The following NTN3 variants were observed in gnomAD, a reference collection of about 807,000 sequenced individuals.
NTN3 encodes the protein netrin 3, also known as netrin-3.
A neutral mutation model predicts 37.2 loss-of-function variants in NTN3; 44 were observed. The ratio of observed to expected loss-of-function variants is 1.18; its 90% CI spans 0.93 to 1.52. The LOEUF is 1.52. NTN3 is among the 40% of genes most tolerant of loss of function. The pLI, the probability that NTN3 is intolerant of heterozygous loss-of-function variation, is 0.00. For synonymous variants in NTN3, 385 were observed against 376.0 expected (o/e 1.02, Z -0.28); for missense variants, 882 against 857.3 (o/e 1.03, Z -0.36).
intron 1 of NTN3, 28 bp from the exon 2 acceptor site, chr16:2,472,673 C>G (rs753204272): frequency 6.8e-6 from 11 of 1,606,218 alleles, no homozygotes; most frequent in Non-Finnish European, 8.5e-6. Flanking sequence ...ACACAACCAG[C>G]CTGCCCCTGA....
rs908354739 is a variant in NTN3, at chr16:2,471,586, G to A, written c.-116G>A. On this transcript the variant is annotated 5_prime_UTR_variant, in exon 1 of 6. Coordinates refer to ENST00000293973, the MANE Select transcript of NTN3 (RefSeq NM_006181.3). ...CTCTGGGCCGGGCTGGGGCCGCCCG[G>A]GGGCCCTGTTCCTCGGCATTGCGGG... is the stretch of plus-strand genomic sequence containing the variant. 7.8e-6 allele frequency: 6 copies of A among 764,730 alleles called. No homozygotes were observed. Among genetic ancestry groups the A allele is most frequent in the Admixed American group, 4.4e-5 (1 of 22,938 alleles). 47.4% of individuals were successfully genotyped at this position (764,730 alleles called of 1,614,324 possible).
rs769001644 is a variant in NTN3, at chr16:2,472,162, G to A, written c.461G>A (p.Cys154Tyr). 8 of 1,608,486 alleles carry A rather than the reference G, an allele frequency of 5.0e-6. No individual in the cohort carries two copies. The Middle Eastern group carries it at 5.0e-4, about 100-fold the overall frequency. The change falls in exon 1 of 6, where the codon TGT (cysteine) becomes TAT (tyrosine). Residue 154 changes from cysteine (C) to tyrosine (Y), a missense_variant. Coordinates refer to ENST00000293973, the MANE Select transcript of NTN3 (RefSeq NM_006181.3). ...CCGCTGGGCTTCTTCTCCTCCCACT[G>A]TGACCTGGACTATGGCCGTCTGCCT... ...WAPLGFFSSH[C>Y]DLDYGRLPAP... is the part of the protein sequence containing the mutation.
chr16:2,474,082 C>G lies in NTN3; in HGVS notation c.1720C>G (p.Arg574Gly). 2.5e-6 allele frequency: 3 copies of G among 1,207,362 alleles called. No homozygotes were observed. Among genetic ancestry groups the G allele is most frequent in the Non-Finnish European group, 3.1e-6 (3 of 971,846 alleles). The allele number at this position is 1,207,362 out of a possible 1,614,324, so 74.8% of individuals were successfully genotyped here. The change falls in exon 6 of 6, where the codon CGG becomes GGG. Residue 574 changes from arginine (R) to glycine (G), a missense_variant. Arg to Gly is a moderately radical substitution (Grantham distance 125, BLOSUM62 -2). Coordinates refer to ENST00000293973, the MANE Select transcript of NTN3 (RefSeq NM_006181.3). ...RLRRLQRRER[R>G]GRCSAA ...GCGGAGGCTGCAGCGACGCGAACGG[C>G]GGGGGCGCTGCAGCGCCGCCTGAGC...
chr16:2,472,952 T>C (rs1262943774), intron 2 of NTN3, 33 bp from the exon 3 acceptor site: 2 of 1,583,236 alleles, frequency 1.3e-6, no homozygotes, highest in East Asian at 4.5e-5. Context: ...CCAGACAGGC[T>C]TCTGACCAGG....
In NTN3 at chr16:2,472,600, C is replaced by G; in HGVS notation, c.899C>G (p.Ala300Gly). 6.3e-7 allele frequency: 1 copy of G among 1,595,610 alleles called. No individual in the cohort carries two copies. Among genetic ancestry groups the G allele is most frequent in the South Asian group, 1.1e-5 (1 of 90,442 alleles). The change falls in exon 1 of 6, where the codon GCC becomes GGC. Residue 300 changes from alanine (A) to glycine (G), a missense_variant. Physicochemically the swap from Ala to Gly is moderately conservative, Grantham distance 60. Coordinates refer to ENST00000293973, the MANE Select transcript of NTN3 (RefSeq NM_006181.3). ...TACTGCGACAGGCCATGGCAGCGGG[C>G]CACTGCCCGGGAATCCCACGCCTGC... Reference protein sequence around the residue: ...PFYCDRPWQRATARESHACLA... With the variant: ...PFYCDRPWQRGTARESHACLA...
Position 2,472,328 on chromosome 16 carries a change from A to G in NTN3, c.627A>G (p.Pro209=). ...SPPGLDLDSS[P]VLQDWVTATD... ...CAGGCCTGGACCTGGACAGCAGCCC[A>G]GTGCTCCAAGACTGGGTGACCGCCA... Residue 209 remains proline (P), a synonymous_variant, in exon 1 of 6, where the codon CCA becomes CCG. Coordinates refer to ENST00000293973, the MANE Select transcript of NTN3 (RefSeq NM_006181.3). The G allele has an allele frequency of 6.2e-7, 1 of 1,610,620 alleles. No homozygotes were observed. Among genetic ancestry groups the G allele is most frequent in the Non-Finnish European group, 8.5e-7 (1 of 1,178,444 alleles).
In NTN3 at chr16:2,472,228, T is replaced by C; in HGVS notation, c.527T>C (p.Leu176Pro). ...CCAGCTGGCCCAGGGCCTGAGGCCC[T>C]GTGCTTCCCCGCACCCCTGGCCCAG... ...NGPAGPGPEA[L>P]CFPAPLAQPD... The change falls in exon 1 of 6, where the codon CTG becomes CCG. Residue 176 changes from leucine to proline, a missense_variant. Leu to Pro is a moderately conservative substitution (Grantham distance 98, BLOSUM62 -3). Transcript: ENST00000293973. 1 of 1,610,494 alleles carries C rather than the reference T, an allele frequency of 6.2e-7. No individual in the cohort carries two copies. The highest frequency in any genetic ancestry group is 8.5e-7 in the Non-Finnish European group (1 of 1,179,698).
chr16:2,472,232 C>A lies in NTN3; in HGVS notation c.531C>A (p.Cys177Ter). ...CTGGCCCAGGGCCTGAGGCCCTGTG[C>A]TTCCCCGCACCCCTGGCCCAGCCTG... ...GPAGPGPEAL[C>*]FPAPLAQPDG... Residue 177 changes from cysteine (C) to a stop codon, truncating the protein, a stop_gained, in exon 1 of 6, where the codon TGC (cysteine) becomes TGA (stop). Transcript: ENST00000293973. LOFTEE classifies it high-confidence loss of function. The A allele has an allele frequency of 6.2e-7, 1 of 1,610,422 alleles. No homozygotes were observed. Among genetic ancestry groups the A allele is most frequent in the Non-Finnish European group, 8.5e-7 (1 of 1,179,616 alleles).
chr16:2,473,240 G>T (rs765535839), intron 3 of NTN3, 28 bp from the exon 4 acceptor site: 3 of 1,610,570 alleles, frequency 1.9e-6, no homozygotes, highest in African/African-American at 2.7e-5. Flanking sequence ...CCCCTCCATC[G>T]CAGGCCATTC....
rs1423604586 is a variant in NTN3, at chr16:2,473,743, G to T, written c.1394-13G>T. 24 of 1,420,254 alleles carry T rather than the reference G, an allele frequency of 1.7e-5. No homozygotes were observed. Among genetic ancestry groups the T allele is most frequent in the Non-Finnish European group, 2.2e-5 (24 of 1,095,084 alleles). The allele number at this position is 1,420,254 out of a possible 1,614,324, so 88.0% of individuals were successfully genotyped here. A position where few individuals can be genotyped will look rare whatever the true frequency, so the allele number is the denominator to read the frequency against. On this transcript the variant is annotated splice_polypyrimidine_tract_variant and intron_variant, in intron 5 of 5. Coordinates refer to ENST00000293973, the MANE Select transcript of NTN3 (RefSeq NM_006181.3). ...CCCCTTCCTGACCCCGCCCCCTCTCGCTCTCCCCGCAGCGGTGCAGGTGGC... is the reference window on the plus strand; with the variant it reads ...CCCCTTCCTGACCCCGCCCCCTCTCTCTCTCCCCGCAGCGGTGCAGGTGGC...
Position 2,472,583 on chromosome 16 carries a change from C to A in NTN3, c.882C>A (p.Asp294Glu). Residue 294 changes from aspartate (D) to glutamate (E), a missense_variant, in exon 1 of 6, where the codon GAC (aspartate) becomes GAA (glutamate). Asp to Glu is a conservative substitution (Grantham distance 45, BLOSUM62 2). Transcript: ENST00000293973. ...GCCGCTGCAAGCCCTTCTACTGCGA[C>A]AGGCCATGGCAGCGGGCCACTGCCC... ...DCGRCKPFYCDRPWQRATARE... is the reference protein window; with the variant it reads ...DCGRCKPFYCERPWQRATARE... 6.3e-7 allele frequency: 1 copy of A among 1,597,030 alleles called. No individual in the cohort carries two copies. The highest frequency in any genetic ancestry group is 1.1e-5 in the South Asian group (1 of 90,570).
At position 2,472,059 on chromosome 16, in the gene NTN3, G is replaced by C. The variant is rs745951324; in HGVS notation, c.358G>C (p.Val120Leu). ...PLGKAFELVFVSLRFCSAPPA... is the reference protein window; with the variant it reads ...PLGKAFELVFLSLRFCSAPPA... ...GGGCAAGGCTTTTGAGCTGGTCTTC[G>C]TGAGCCTGCGCTTCTGCTCAGCTCC... is the stretch of plus-strand genomic sequence containing the variant. The change falls in exon 1 of 6, where the codon GTG (valine) becomes CTG (leucine). Residue 120 changes from valine (V) to leucine (L), a missense_variant. Val to Leu is a conservative substitution (Grantham distance 32). Transcript: ENST00000293973. 1.2e-5 allele frequency: 19 copies of C among 1,608,560 alleles called. No homozygotes were observed. Among genetic ancestry groups the C allele is most frequent in the Non-Finnish European group, 1.5e-5 (18 of 1,178,872 alleles).
At position 2,474,118 on chromosome 16, in the gene NTN3, G is replaced by T; in HGVS notation, c.*13G>T. On this transcript the variant is annotated 3_prime_UTR_variant, in exon 6 of 6. Transcript: ENST00000293973. ...CAGCGCCGCCTGAGCCCGCCGGCTG[G>T]GCAGGGCGGCCGCTGCTCCCACATC... The T allele has an allele frequency of 8.3e-7, 1 of 1,205,486 alleles. No homozygotes were observed. The highest frequency in any genetic ancestry group is 4.1e-5 in the South Asian group (1 of 24,150). The allele number at this position is 1,205,486 out of a possible 1,614,324, so 74.7% of individuals were successfully genotyped here.
At position 2,473,468 on chromosome 16, in the gene NTN3, G is replaced by A; in HGVS notation, c.1358G>A (p.Arg453His). Residue 453 changes from arginine to histidine, a missense_variant, in exon 5 of 6, where the codon CGC becomes CAC. Physicochemically the swap from Arg to His is conservative, Grantham distance 29. Coordinates refer to ENST00000293973, the MANE Select transcript of NTN3 (RefSeq NM_006181.3). ...SHCKPARGSY[R>H]ISLKKFCKKD... ...TGCAAACCTGCCCGTGGCAGCTACC[G>A]CATCAGCCTAAAGAAGTTCTGCAAG... 1 of 1,612,954 alleles carries A rather than the reference G, an allele frequency of 6.2e-7. No individual in the cohort carries two copies. The highest frequency in any genetic ancestry group is 1.1e-5 in the South Asian group (1 of 91,084).
At position 2,471,713 on chromosome 16, in the gene NTN3, G is replaced by A. The variant is rs1221270323; in HGVS notation, c.12G>A (p.Trp4Ter). 7.3e-7 allele frequency: 1 copy of A among 1,363,258 alleles called. No individual in the cohort carries two copies. The highest frequency in any genetic ancestry group is 3.1e-5 in the East Asian group (1 of 32,332). 84.4% of individuals were successfully genotyped at this position (1,363,258 alleles called of 1,614,324 possible). ...CAGCGGCTCCGGCCATGCCTGGCTG[G>A]CCCTGGGGGCTGCTGCTGACGGCAG... The part of the protein sequence containing the change: MPG[W>*]PWGLLLTAGT... Residue 4 changes from tryptophan to a stop codon, truncating the protein, a stop_gained, in exon 1 of 6, where the codon TGG (tryptophan) becomes TGA (stop). Transcript: ENST00000293973. LOFTEE classifies it high-confidence loss of function.
Position 2,473,972 on chromosome 16 carries a change from G to A in NTN3, c.1610G>A (p.Gly537Glu). The change falls in exon 6 of 6, where the codon GGG becomes GAG. Residue 537 changes from glycine (G) to glutamate (E), a missense_variant. Physicochemically the swap from Gly to Glu is moderately conservative, Grantham distance 98. Transcript: ENST00000293973. The stretch of plus-strand genomic sequence containing the variant: ...GGGGGCGGGCCTGGAGCCGCGGCTG[G>A]GGGCGCGGGGGGCCGGGGGCCCGGG... Reference protein sequence around the residue: ...LLGGGPGAAAGGAGGRGPGLI... With the variant: ...LLGGGPGAAAEGAGGRGPGLI... 1.7e-6 allele frequency: 2 copies of A among 1,163,528 alleles called. No homozygotes were observed. The highest frequency in any genetic ancestry group is 2.1e-6 in the Non-Finnish European group (2 of 944,606). 72.1% of individuals were successfully genotyped at this position (1,163,528 alleles called of 1,614,324 possible). A position where few individuals can be genotyped will look rare whatever the true frequency, so the allele number is the denominator to read the frequency against.
At position 2,472,423 on chromosome 16, in the gene NTN3, C is replaced by T. The variant is rs369917788; in HGVS notation, c.722C>T (p.Pro241Leu). 1 of 1,612,658 alleles carries T rather than the reference C, an allele frequency of 6.2e-7. No individual in the cohort carries two copies. The highest frequency in any genetic ancestry group is 8.5e-7 in the Non-Finnish European group (1 of 1,179,822). Residue 241 changes from proline (P) to leucine (L), a missense_variant, in exon 1 of 6, where the codon CCT (proline) becomes CTT (leucine). By Grantham distance (98) the Pro-to-Leu change is moderately conservative. Transcript: ENST00000293973. ...CCCAGGGACATGGAGGCCGTCGTCC[C>T]TTACTCCTACGCAGCCACCGACCTC... ...GDPRDMEAVV[P>L]YSYAATDLQV... is the part of the protein sequence containing the mutation.
At position 2,473,992 on chromosome 16, in the gene NTN3, C is replaced by T. The variant is rs2141846350; in HGVS notation, c.1630C>T (p.Pro544Ser). The T allele has an allele frequency of 1.7e-6, 2 of 1,175,188 alleles. No homozygotes were observed. Among genetic ancestry groups the T allele is most frequent in the South Asian group, 8.4e-5 (2 of 23,872 alleles). 72.8% of individuals were successfully genotyped at this position (1,175,188 alleles called of 1,614,324 possible). A position where few individuals can be genotyped will look rare whatever the true frequency, so the allele number is the denominator to read the frequency against. The change falls in exon 6 of 6, where the codon CCC (proline) becomes TCC (serine). Residue 544 changes from proline (P) to serine (S), a missense_variant. Coordinates refer to ENST00000293973, the MANE Select transcript of NTN3 (RefSeq NM_006181.3). ...AAAGGAGGRG[P>S]GLIAARGSLV... The stretch of plus-strand genomic sequence containing the variant: ...GGCTGGGGGCGCGGGGGGCCGGGGG[C>T]CCGGGCTCATCGCCGCCCGCGGAAG...
At position 2,473,489 on chromosome 16, in the gene NTN3, G is replaced by A; in HGVS notation, c.1379G>A (p.Cys460Tyr). Residue 460 changes from cysteine (C) to tyrosine (Y), a missense_variant, in exon 5 of 6, where the codon TGC (cysteine) becomes TAC (tyrosine). Cys to Tyr is a radical substitution (Grantham distance 194, BLOSUM62 -2). Transcript: ENST00000293973. ...TACCGCATCAGCCTAAAGAAGTTCT[G>A]CAAGAAGGACTATGGTAGGTGCCCT... ...GSYRISLKKF[C>Y]KKDYAVQVAV... 1.2e-6 allele frequency: 2 copies of A among 1,612,982 alleles called. No homozygotes were observed. The highest frequency in any genetic ancestry group is 2.2e-5 in the East Asian group (1 of 44,854).
Sources: gnomAD v4.1 joint callset for allele counts on GRCh38, gnomAD v4.1.1 for gene constraint, MANE v1.5 for transcripts, NCBI Gene and HGNC (gene_info 2026-07-23, HGNC 2026-07-21) for gene names.